Variants in ENTREP2 observed in about 807,000 individuals in gnomAD.
The protein encoded by ENTREP2 is protein ENTREP2.
chr15:29,668,386 C>A, the ENTREP2 span, among the ~76,000 whole-genome samples: 1 of 152,108 alleles, frequency 6.6e-6, no homozygotes, highest in Non-Finnish European at 1.5e-5. Flanking sequence ...ATATAATTAC[C>A]GTGACCCGGC....
At chr15:29,480,356 A>AC in the ENTREP2 span, among the ~76,000 whole-genome samples, 1 of 149,492 alleles carries the variant, frequency 6.7e-6, no homozygotes, top group Non-Finnish European at 1.5e-5. Flanking sequence ...AAAAAAAAAA[A>AC]AAAAAAAAAA....
chr15:29,498,330 G>C, the ENTREP2 span, among the ~76,000 whole-genome samples: 1 of 151,982 alleles, frequency 6.6e-6, no homozygotes, highest in Admixed American at 6.6e-5. Flanking sequence ...GGTACACTGT[G>C]TTTTCATTTT....
the ENTREP2 span, among the ~76,000 whole-genome samples, chr15:29,260,648 A>G: frequency 0.023 from 3,567 of 152,290 alleles, 152 homozygotes; most frequent in African/African-American, 0.082. Context: ...GTTTCTAAGT[A>G]ATCTGGACTA....
At chr15:29,353,056 A>G in the ENTREP2 span, among the ~76,000 whole-genome samples, 1 of 152,210 alleles carries the variant, frequency 6.6e-6, no homozygotes, top group African/African-American at 2.4e-5. Flanking sequence ...GCACATGAAT[A>G]TCAGTTATAA....
chr15:29,387,857 C>T, the ENTREP2 span, among the ~76,000 whole-genome samples: 2 of 152,234 alleles, frequency 1.3e-5, no homozygotes, highest in African/African-American at 2.4e-5. Context: ...CTGACAAAAA[C>T]AAGAAATGGG....
the ENTREP2 span, among the ~76,000 whole-genome samples, chr15:29,369,729 C>T: frequency 6.6e-6 from 1 of 152,256 alleles, no homozygotes; most frequent in Admixed American, 6.5e-5. Flanking sequence ...TGTGGTTTGT[C>T]CCAGTCAAAA....
At chr15:29,398,921 A>G in the ENTREP2 span, among the ~76,000 whole-genome samples, 8 of 152,290 alleles carry the variant, frequency 5.3e-5, no homozygotes, top group African/African-American at 1.7e-4. Flanking sequence ...GTCCCAAATC[A>G]GTTTGCTGTT....
chr15:29,229,867 C>A, the ENTREP2 span, among the ~76,000 whole-genome samples: 1 of 152,138 alleles, frequency 6.6e-6, no homozygotes, highest in African/African-American at 2.4e-5. Context: ...TTATCTCTAT[C>A]TCAGACCACT....
At chr15:29,381,907 T>C in the ENTREP2 span, 1 of 1,368,538 alleles carries the variant, frequency 7.3e-7, no homozygotes, top group Non-Finnish European at 1.0e-6. Context: ...TGTGAACCGT[T>C]TCAACCCGGA....
the ENTREP2 span, among the ~76,000 whole-genome samples, chr15:29,383,813 G>A: frequency 9.2e-5 from 14 of 152,042 alleles, no homozygotes; most frequent in Admixed American, 3.3e-4. Flanking sequence ...ACCAAAGCAC[G>A]CACACCAGGG....
the ENTREP2 span, among the ~76,000 whole-genome samples, chr15:29,357,324 C>A: frequency 1.2e-3 from 175 of 151,776 alleles, 1 homozygote; most frequent in East Asian, 0.032. Context: ...CAGAAAGTAT[C>A]CCCAGTGAAG....
the ENTREP2 span, among the ~76,000 whole-genome samples, chr15:29,237,280 T>TC: frequency 6.6e-6 from 1 of 152,194 alleles, no homozygotes; most frequent in Non-Finnish European, 1.5e-5. Context: ...TAATATTTTC[T>TC]CCCTGTCTGT....
the ENTREP2 span, among the ~76,000 whole-genome samples, chr15:29,275,152 AT>A: frequency 1.3e-5 from 2 of 152,214 alleles, no homozygotes; most frequent in Admixed American, 1.3e-4. Flanking sequence ...AAAGTGGCAT[AT>A]TTTGGGCGGG....
the ENTREP2 span, among the ~76,000 whole-genome samples, chr15:29,647,047 G>A: frequency 1.6e-4 from 25 of 152,278 alleles, no homozygotes; most frequent in African/African-American, 5.3e-4. Context: ...AAATGCAGCT[G>A]TCATATTAAG....
chr15:29,478,007 A>ATTTT, the ENTREP2 span, among the ~76,000 whole-genome samples: 5 of 73,640 alleles, frequency 6.8e-5, no homozygotes, highest in Admixed American at 1.2e-4. Context: ...ATATATATAT[A>ATTTT]TATATATATA....
the ENTREP2 span, among the ~76,000 whole-genome samples, chr15:29,301,636 A>G: frequency 2.0e-5 from 3 of 152,312 alleles, no homozygotes; most frequent in East Asian, 5.8e-4. Context: ...GGAATGACCC[A>G]ATGGAAGTAG....
the ENTREP2 span, among the ~76,000 whole-genome samples, chr15:29,470,216 GA>G: frequency 3.3e-5 from 5 of 152,206 alleles, no homozygotes. Flanking sequence ...AAGATTGGCA[GA>G]GGGGCTGCTC....
At chr15:29,525,132 A>G in the ENTREP2 span, among the ~76,000 whole-genome samples, 1 of 152,192 alleles carries the variant, frequency 6.6e-6, no homozygotes, top group East Asian at 1.9e-4. Flanking sequence ...GGCCTAGGAA[A>G]TCCAGCTAGT....
At chr15:29,158,949 T>A in the ENTREP2 span, among the ~76,000 whole-genome samples, 1 of 150,872 alleles carries the variant, frequency 6.6e-6, no homozygotes, top group African/African-American at 2.4e-5. Flanking sequence ...TGGATATTAA[T>A]AATAAGATTA....
Sources: allele counts gnomAD v4.1 joint callset (sites outside exome capture counted in the v4.1 genomes callset), GRCh38; gene constraint gnomAD v4.1.1; transcripts MANE v1.5; gene names NCBI Gene and HGNC (gene_info 2026-07-23, HGNC 2026-07-21).